The following MAN1C1 variants were observed in gnomAD, a reference collection of about 807,000 sequenced individuals.
The protein encoded by MAN1C1 is mannosyl-oligosaccharide 1,2-alpha-mannosidase IC.
MAN1C1 carries 49 observed loss-of-function variants against 71.5 expected under a neutral mutation model. The ratio of observed to expected loss-of-function variants is 0.69; its 90% CI spans 0.54 to 0.87. MAN1C1 has a LOEUF of 0.87. Ranked by LOEUF, MAN1C1 falls within the 40% of genes least tolerant of loss-of-function variation. MAN1C1 has a pLI of 0.00. For missense variants in MAN1C1, 743 were observed against 835.0 expected (o/e 0.89, Z 1.36); for synonymous variants, 352 against 343.7 (o/e 1.02, Z -0.27).
At chr1:25,654,509 G>A (rs1418897500) in intron 1 of MAN1C1, 1 of 152,302 alleles carries the variant, frequency 6.6e-6, no homozygotes, top group East Asian at 1.9e-4. Context: ...TGCCGAAGCA[G>A]CTTTTCTCTT....
In MAN1C1 at chr1:25,655,675, T is replaced by C. The variant is rs145620880; in HGVS notation, c.541-30765T>C. ...CTGCTTTCTCTCCTTGTGTCTCTTA[T>C]CGGCCTCTAATTAGGGGTACTGACT... On this transcript the variant is annotated intron_variant, in intron 1 of 11. Coordinates refer to ENST00000374332, the MANE Select transcript of MAN1C1 (RefSeq NM_020379.4). Among the ~76,000 whole-genome samples, 1,435 of 152,272 alleles carry C rather than the reference T, an allele frequency of 9.4e-3. 13 individuals carry two copies. The highest frequency in any genetic ancestry group is 0.013 in the Non-Finnish European group (895 of 68,026).
At chr1:25,618,997 C>T (rs2045161993) in intron 1 of MAN1C1, among the ~76,000 whole-genome samples, 1 of 152,104 alleles carries the variant, frequency 6.6e-6, no homozygotes, top group Admixed American at 6.5e-5. Flanking sequence ...ACAGAAGCTC[C>T]GAGGTTATTG....
Position 25,781,014 on chromosome 1 carries a change from T to C in MAN1C1, c.1552T>C (p.Tyr518His), listed in dbSNP as rs372815169. 6.2e-7 allele frequency: 1 copy of C among 1,614,016 alleles called. No individual in the cohort carries two copies. The highest frequency in any genetic ancestry group is 8.5e-7 in the Non-Finnish European group (1 of 1,180,040). ...EAVATQLSES[Y>H]YILRPEVVES... ...CGTGGCCACCCAGCTGAGCGAGAGC[T>C]ACTACATCCTCCGGCCAGAGGTGGT... The change falls in exon 10 of 12, where the codon TAC becomes CAC. Residue 518 changes from tyrosine to histidine, a missense_variant. Coordinates refer to ENST00000374332, the MANE Select transcript of MAN1C1 (RefSeq NM_020379.4).
intron 2 of MAN1C1, among the ~76,000 whole-genome samples, chr1:25,697,139 T>C (rs907239428): frequency 2.0e-5 from 3 of 152,224 alleles, no homozygotes; most frequent in African/African-American, 7.2e-5. Flanking sequence ...GGTTGTATCA[T>C]ATCAGAAAGA....
intron 6 of MAN1C1, among the ~76,000 whole-genome samples, chr1:25,762,113 T>A (rs2047367324): frequency 3.7e-5 from 1 of 26,786 alleles, no homozygotes; most frequent in Non-Finnish European, 1.0e-4. Flanking sequence ...ATTTTCTTTC[T>A]TTTCTTTTCT....
intron 1 of MAN1C1, among the ~76,000 whole-genome samples, chr1:25,680,675 C>T (rs1456719973): frequency 1.3e-5 from 2 of 152,210 alleles, no homozygotes; most frequent in Non-Finnish European, 2.9e-5. Context: ...AATAATATTC[C>T]ATTGCATGGT....
intron 1 of MAN1C1, among the ~76,000 whole-genome samples, chr1:25,655,946 C>G (rs1457765011): frequency 6.6e-6 from 1 of 151,970 alleles, no homozygotes; most frequent in East Asian, 1.9e-4. Context: ...AGTGCAGGCC[C>G]TGGACTGGGG....
chr1:25,635,872 C>A (rs2124756742), intron 1 of MAN1C1, among the ~76,000 whole-genome samples: 1 of 152,270 alleles, frequency 6.6e-6, no homozygotes, highest in South Asian at 2.1e-4. Flanking sequence ...GAACCCACCC[C>A]CAATATTTCA....
At chr1:25,644,518 A>ATATTTTTTTTTTTT (rs61386117) in intron 1 of MAN1C1, 1 of 40,288 alleles carries the variant, frequency 2.5e-5, no homozygotes, top group Non-Finnish European at 3.6e-5. Flanking sequence ...ATATATATAT[A>ATATTTTTTTTTTTT]TTTTTTTTTT....
At position 25,624,998 on chromosome 1, in the gene MAN1C1, ATTTTTT is replaced by A. The variant is rs1032269792; in HGVS notation, c.540+6681_540+6686del. Reference sequence around the variant, plus strand: ...TTAATACATATAGCGAAATGCACAGATTTTTTTTTTTTTTTTTTTTTTTTTGAGATG... The same window carrying A: ...TTAATACATATAGCGAAATGCACAGATTTTTTTTTTTTTTTTTTTGAGATG... On this transcript the variant is annotated intron_variant, in intron 1 of 11. Coordinates refer to ENST00000374332, the MANE Select transcript of MAN1C1 (RefSeq NM_020379.4). 2.4e-3 allele frequency among the ~76,000 whole-genome samples: 248 copies of A among 101,592 alleles called. 1 individual carries two copies. The highest frequency in any genetic ancestry group is 8.6e-3 in the African/African-American group (193 of 22,398). 66.6% of individuals were successfully genotyped at this position (101,592 alleles called of 152,430 possible). A position where few individuals can be genotyped will look rare whatever the true frequency, so the allele number is the denominator to read the frequency against.
At chr1:25,665,855 CTT>C (rs757054975) in intron 1 of MAN1C1, among the ~76,000 whole-genome samples, 3 of 96,908 alleles carry the variant, frequency 3.1e-5, no homozygotes, top group Non-Finnish European at 3.9e-5. Context: ...TTGGCATTGG[CTT>C]TTTTTTTTTT....
intron 1 of MAN1C1, among the ~76,000 whole-genome samples, chr1:25,643,085 A>G (rs1233569928): frequency 5.3e-5 from 8 of 152,068 alleles, no homozygotes; most frequent in Non-Finnish European, 8.8e-5. Context: ...ACATTTCTGC[A>G]TGGGTCCATT....
chr1:25,692,655 A>T (rs1321750296), intron 2 of MAN1C1, among the ~76,000 whole-genome samples: 1 of 152,200 alleles, frequency 6.6e-6, no homozygotes, highest in Non-Finnish European at 1.5e-5. Context: ...GCTGGACTTC[A>T]AAACCCAAGC....
At chr1:25,783,250 A>G (rs2047721138) in intron 11 of MAN1C1, among the ~76,000 whole-genome samples, 1 of 152,218 alleles carries the variant, frequency 6.6e-6, no homozygotes, top group Non-Finnish European at 1.5e-5. Flanking sequence ...TTCTAGAGTC[A>G]CAACCCCATG....
intron 1 of MAN1C1, among the ~76,000 whole-genome samples, chr1:25,624,256 G>T (rs2045259547): frequency 6.6e-6 from 1 of 152,190 alleles, no homozygotes; most frequent in Non-Finnish European, 1.5e-5. Context: ...CAGTAGCTCA[G>T]ACAGCAGGGT....
chr1:25,765,997 G>C (rs2047421800), intron 7 of MAN1C1, among the ~76,000 whole-genome samples: 1 of 152,230 alleles, frequency 6.6e-6, no homozygotes, highest in African/African-American at 2.4e-5. Context: ...TTAATTGCGA[G>C]ACCTGACTGG....
intron 1 of MAN1C1, among the ~76,000 whole-genome samples, chr1:25,643,791 G>A (rs1310179136): frequency 6.6e-6 from 1 of 151,866 alleles, no homozygotes; most frequent in Non-Finnish European, 1.5e-5. Flanking sequence ...ACAGGCATAA[G>A]CCACCGTGCC....
intron 2 of MAN1C1, among the ~76,000 whole-genome samples, chr1:25,740,801 AG>A (rs2047053179): frequency 3.3e-5 from 5 of 152,042 alleles, no homozygotes; most frequent in Admixed American, 2.0e-4. Flanking sequence ...ATCGGGGAAG[AG>A]GGAAGGGCAA....
rs1449536646 is a variant in MAN1C1, at chr1:25,730,475, A to C, written c.638-16193A>C. On this transcript the variant is annotated intron_variant, in intron 2 of 11. Transcript: ENST00000374332. This position sits in a 1 kb window ranked among gnomAD's most constrained non-coding sequence, Gnocchi z 4.3. ...GAGAATGACAAATACTAGGGGCTTT[A>C]ATTGTTCAGTCACATGAGGGTGGTG... Among the ~76,000 whole-genome samples the C allele has an allele frequency of 1.3e-5, 2 of 151,898 alleles. No individual in the cohort carries two copies. The highest frequency in any genetic ancestry group is 2.9e-5 in the Non-Finnish European group (2 of 67,992).
Sources: allele counts gnomAD v4.1 joint callset (sites outside exome capture counted in the v4.1 genomes callset), GRCh38; gene constraint gnomAD v4.1.1; non-coding constraint Gnocchi (gnomAD v3.1); transcripts MANE v1.5; gene names NCBI Gene and HGNC (gene_info 2026-07-23, HGNC 2026-07-21).